LRRC2: variants seen among roughly 807,000 people sequenced by gnomAD.
The protein encoded by LRRC2 is leucine-rich repeat-containing protein 2.
LRRC2 carries 27 observed loss-of-function variants against 40.2 expected under a neutral mutation model. That is an observed-to-expected ratio of 0.67 (90% CI 0.49 to 0.93). The LOEUF is 0.93. LRRC2 is among the 40% of genes least tolerant of loss of function. LRRC2 has a pLI of 0.00. For synonymous variants in LRRC2, 147 were observed against 158.9 expected (o/e 0.92, Z 0.56); for missense variants, 402 against 439.6 (o/e 0.91, Z 0.76).
intron 1 of LRRC2, among the ~76,000 whole-genome samples, chr3:46,555,814 T>C (rs1704779339): frequency 6.6e-6 from 1 of 152,228 alleles, no homozygotes; most frequent in African/African-American, 2.4e-5. Context: ...GCTGTTCAAG[T>C]TTACATCTGT....
At chr3:46,543,782 A>G (rs576680684) in intron 3 of LRRC2, among the ~76,000 whole-genome samples, 4 of 152,252 alleles carry the variant, frequency 2.6e-5, no homozygotes, top group East Asian at 3.9e-4. Context: ...TTACTGGCCA[A>G]TGGTATTTAA....
intron 8 of LRRC2, among the ~76,000 whole-genome samples, chr3:46,520,327 C>T (rs145824053): frequency 8.1e-4 from 123 of 151,464 alleles, no homozygotes; most frequent in Non-Finnish European, 1.4e-3. Context: ...AATATAATTA[C>T]GAATAAATAA....
At chr3:46,533,111 T>C (rs757088897) in intron 4 of LRRC2, among the ~76,000 whole-genome samples, 1 of 152,068 alleles carries the variant, frequency 6.6e-6, no homozygotes, top group Non-Finnish European at 1.5e-5. Context: ...AATCACAGAG[T>C]TTTTCAGTGT....
chr3:46,560,472 T>C (rs925825673), intron 1 of LRRC2, among the ~76,000 whole-genome samples: 5 of 152,216 alleles, frequency 3.3e-5, no homozygotes, highest in African/African-American at 1.2e-4. Flanking sequence ...ATCATCATCA[T>C]ATGCTACCCC....
At chr3:46,543,307 A>G (rs1704437332) in intron 3 of LRRC2, among the ~76,000 whole-genome samples, 1 of 152,046 alleles carries the variant, frequency 6.6e-6, no homozygotes, top group Non-Finnish European at 1.5e-5. Flanking sequence ...TCCCTTTACC[A>G]TACCGGGCAC....
Position 46,533,148 on chromosome 3 carries a change from GAAAC to G in LRRC2, c.491-243_491-240del, listed in dbSNP as rs376038264. Among the ~76,000 whole-genome samples the G allele has an allele frequency of 4.5e-3, 686 of 152,252 alleles. 10 individuals carry two copies. The highest frequency in any genetic ancestry group is 0.015 in the African/African-American group (642 of 41,518). On this transcript the variant is annotated intron_variant, in intron 4 of 8. Coordinates refer to ENST00000395905, the MANE Select transcript of LRRC2 (RefSeq NM_024512.5). Reference sequence around the variant, plus strand: ...ATAAGCGTCCAACATTACAGAATCTGAAACAAAACTTTTAAGGCTCATGCCTTCA... The same window carrying G: ...ATAAGCGTCCAACATTACAGAATCTGAAAACTTTTAAGGCTCATGCCTTCA...
intron 4 of LRRC2, among the ~76,000 whole-genome samples, chr3:46,538,557 C>T (rs1704314327): frequency 6.6e-6 from 1 of 151,848 alleles, no homozygotes; most frequent in Non-Finnish European, 1.5e-5. Context: ...TCACTTGAAC[C>T]AGGGAGGCAG....
At position 46,532,760 on chromosome 3, in the gene LRRC2, G is replaced by A; in HGVS notation, c.627+13C>T. ...TAAAAGTGAATCGTAGTACAGAAAT[G>A]TTTATCTCTTACTTCAAAGGGCAGC... On this transcript the variant is annotated intron_variant, in intron 5 of 8. Transcript: ENST00000395905. 1.2e-6 allele frequency: 2 copies of A among 1,611,214 alleles called. No homozygotes were observed. Among genetic ancestry groups the A allele is most frequent in the South Asian group, 1.1e-5 (1 of 90,754 alleles).
At chr3:46,563,224 C>T (rs984086876) in intron 1 of LRRC2, among the ~76,000 whole-genome samples, 8 of 152,160 alleles carry the variant, frequency 5.3e-5, no homozygotes, top group Admixed American at 5.2e-4. Flanking sequence ...TAATTGGTCT[C>T]CTGGCTTCCC....
At position 46,518,369 on chromosome 3, in the gene LRRC2, T is replaced by TA. The variant is rs1257795666; in HGVS notation, c.*644_*645insT. 6.6e-6 allele frequency: 1 copy of TA among 151,210 alleles called. No homozygotes were observed. Among genetic ancestry groups the TA allele is most frequent in the East Asian group, 1.9e-4 (1 of 5,198 alleles). The allele number at this position is 151,210 out of a possible 1,614,324, so 9.4% of individuals were successfully genotyped here. ...TCCCTTTATCTTTTTCTTTTCTTTT[T>TA]TTTTTTTTTTGAGACAGAGTCTGGC... On this transcript the variant is annotated 3_prime_UTR_variant, in exon 9 of 9. Transcript: ENST00000395905.
At chr3:46,534,747 G>C (rs183587784) in intron 4 of LRRC2, among the ~76,000 whole-genome samples, 3 of 152,140 alleles carry the variant, frequency 2.0e-5, no homozygotes, top group African/African-American at 7.2e-5. Context: ...ATGAGAAAAA[G>C]AATACCCTGT....
chr3:46,522,808 C>CACACACAA (rs1391856123), intron 7 of LRRC2, among the ~76,000 whole-genome samples: 4 of 145,020 alleles, frequency 2.8e-5, no homozygotes, highest in Non-Finnish European at 4.5e-5. Flanking sequence ...CACACACACA[C>CACACACAA]AAGCTAAAGG....
At position 46,515,438 on chromosome 3, in the gene LRRC2, C is replaced by T. The variant is rs1703843729; in HGVS notation, c.*3576G>A. 1 of 152,098 alleles carries T rather than the reference C, an allele frequency of 6.6e-6. No individual in the cohort carries two copies. The highest frequency in any genetic ancestry group is 6.6e-5 in the Admixed American group (1 of 15,266). 9.4% of individuals were successfully genotyped at this position (152,098 alleles called of 1,614,324 possible). A position where few individuals can be genotyped will look rare whatever the true frequency, so the allele number is the denominator to read the frequency against. On this transcript the variant is annotated 3_prime_UTR_variant, in exon 9 of 9. Coordinates refer to ENST00000395905, the MANE Select transcript of LRRC2 (RefSeq NM_024512.5). ...CATTCATATTACTTTAATATTCATA[C>T]ATGTATTCTGCCATGTAAATAACCT...
At position 46,549,629 on chromosome 3, in the gene LRRC2, A is replaced by G. The variant is rs1297984132; in HGVS notation, c.125+1838T>C. 2.0e-5 allele frequency among the ~76,000 whole-genome samples: 3 copies of G among 152,206 alleles called. No homozygotes were observed. The East Asian group carries it at 5.8e-4, about 29-fold the overall frequency. On this transcript the variant is annotated intron_variant, in intron 2 of 8. Coordinates refer to ENST00000395905, the MANE Select transcript of LRRC2 (RefSeq NM_024512.5). Reference sequence around the variant, plus strand: ...TCAAGCTCAATCCTATGTACATGAGATGCGTGAAGCTGTTTAACACCTCAA... The same window carrying G: ...TCAAGCTCAATCCTATGTACATGAGGTGCGTGAAGCTGTTTAACACCTCAA...
At position 46,539,041 on chromosome 3, in the gene LRRC2, A is replaced by G. The variant is rs757048816; in HGVS notation, c.490+4T>C. The G allele has an allele frequency of 6.2e-7, 1 of 1,613,338 alleles. No homozygotes were observed. Among genetic ancestry groups the G allele is most frequent in the African/African-American group, 1.3e-5 (1 of 74,980 alleles). ...GCCCGAAGACCCCTGCTAAGTTGACATACCGATTTCTGCTGGAAGATGTGA... is the reference window on the plus strand; with the variant it reads ...GCCCGAAGACCCCTGCTAAGTTGACGTACCGATTTCTGCTGGAAGATGTGA... On this transcript the variant is annotated splice_donor_region_variant and intron_variant, in intron 4 of 8. Transcript: ENST00000395905.
chr3:46,555,106 G>A lies in LRRC2; in HGVS notation c.-19-3496C>T, dbSNP rs556736174. Among the ~76,000 whole-genome samples the A allele has an allele frequency of 1.5e-4, 23 of 151,928 alleles. No individual in the cohort carries two copies. The East Asian group carries it at 2.1e-3, about 14-fold the overall frequency. On this transcript the variant is annotated intron_variant, in intron 1 of 8. Coordinates refer to ENST00000395905, the MANE Select transcript of LRRC2 (RefSeq NM_024512.5). ...GGGTTAATTGGTCTTTTTATTTATC[G>A]TTAAGTTGCAATAGTACTTTATATA... is the stretch of plus-strand genomic sequence containing the variant.
rs1349233547 is a variant in LRRC2 at position 46,516,102 on chromosome 3, G to A, written c.*2912C>T. 6.6e-6 allele frequency: 1 copy of A among 151,736 alleles called. No individual in the cohort carries two copies. Among genetic ancestry groups the A allele is most frequent in the Non-Finnish European group, 1.5e-5 (1 of 68,008 alleles). The allele number at this position is 151,736 out of a possible 1,614,324, so 9.4% of individuals were successfully genotyped here. A position where few individuals can be genotyped will look rare whatever the true frequency, so the allele number is the denominator to read the frequency against. On this transcript the variant is annotated 3_prime_UTR_variant, in exon 9 of 9. Transcript: ENST00000395905. Reference sequence around the variant, plus strand: ...AGCCTCCTGAGTAGCTGGGATTACGGGTGCCCACCACGCCCGGCTAATTTT... The same window carrying A: ...AGCCTCCTGAGTAGCTGGGATTACGAGTGCCCACCACGCCCGGCTAATTTT...
At chr3:46,550,613 G>A (rs1219181235) in intron 2 of LRRC2, among the ~76,000 whole-genome samples, 7 of 152,100 alleles carry the variant, frequency 4.6e-5, no homozygotes, top group African/African-American at 9.7e-5. Context: ...GGATGGTCTC[G>A]ATCTCCTGAC....
chr3:46,552,219 T>C (rs2107040304), intron 1 of LRRC2, among the ~76,000 whole-genome samples: 1 of 152,242 alleles, frequency 6.6e-6, no homozygotes, highest in East Asian at 1.9e-4. Context: ...CTAGTATATG[T>C]ACCTAATATT....
Sources: gnomAD v4.1 joint callset for allele counts (sites outside exome capture counted in the v4.1 genomes callset) on GRCh38, gnomAD v4.1.1 for gene constraint, MANE v1.5 for transcripts, NCBI Gene and HGNC (gene_info 2026-07-23, HGNC 2026-07-21) for gene names.